Variants in GABRG3 observed in about 807,000 individuals in gnomAD.
GABRG3 encodes gamma-aminobutyric acid type A receptor subunit gamma3, also known as gamma-aminobutyric acid receptor subunit gamma-3.
Under a neutral mutation model 48.8 loss-of-function variants are expected in GABRG3, and 25 were observed. That is an observed-to-expected ratio of 0.51 (90% CI 0.37 to 0.72). The LOEUF (loss-of-function observed/expected upper bound fraction) is 0.72. GABRG3 is among the 30% of genes least tolerant of loss of function. The pLI, the probability that GABRG3 is intolerant of heterozygous loss-of-function variation, is 0.00. For synonymous variants in GABRG3, 227 were observed against 217.6 expected (o/e 1.04, Z -0.38); for missense variants, 394 against 577.9 (o/e 0.68, Z 3.26).
intron 6 of GABRG3, among the ~76,000 whole-genome samples, chr15:27,504,898 A>C (rs1890726871): frequency 6.6e-6 from 1 of 152,224 alleles, no homozygotes. Context: ...TTTGATTTAC[A>C]AGAGAATTTA....
intron 3 of GABRG3, among the ~76,000 whole-genome samples, chr15:27,075,169 A>G (rs1896890752): frequency 6.6e-6 from 1 of 151,852 alleles, no homozygotes; most frequent in South Asian, 2.1e-4. Context: ...CTGACTATTA[A>G]TAATTCTTAA....
intron 2 of GABRG3, among the ~76,000 whole-genome samples, chr15:26,994,601 C>G (rs1015370611): frequency 1.3e-5 from 2 of 151,920 alleles, no homozygotes; most frequent in Non-Finnish European, 2.9e-5. Context: ...TTTATTCTTT[C>G]TATTTAAGAG....
At chr15:27,444,124 A>C (rs1888872172) in intron 5 of GABRG3, among the ~76,000 whole-genome samples, 1 of 152,180 alleles carries the variant, frequency 6.6e-6, no homozygotes. Context: ...TGTTGGAAAC[A>C]GTTGACTTTT....
At chr15:27,398,501 ATAT>A (rs1887382271) in intron 5 of GABRG3, among the ~76,000 whole-genome samples, 1 of 152,170 alleles carries the variant, frequency 6.6e-6, no homozygotes, top group African/African-American at 2.4e-5. Context: ...TTTGAAGAAA[ATAT>A]TAATATATAC....
chr15:27,104,543 T>C (rs1897417843), intron 3 of GABRG3, among the ~76,000 whole-genome samples: 1 of 152,252 alleles, frequency 6.6e-6, no homozygotes, highest in African/African-American at 2.4e-5. Flanking sequence ...ATATATGGTA[T>C]GTCTAGTGAC....
At position 27,532,588 on chromosome 15, in the gene GABRG3, TG is replaced by T. The variant is rs1422627693; in HGVS notation, c.1123-11del. Reference sequence around the variant, plus strand: ...TTTACAATGGTTGTTGTGTCATTTTTGTTGCTTGCAGAACTATTCCCTCCTG... The same window carrying T: ...TTTACAATGGTTGTTGTGTCATTTTTTTGCTTGCAGAACTATTCCCTCCTG... On this transcript the variant is annotated splice_polypyrimidine_tract_variant and intron_variant, in intron 9 of 9. Coordinates refer to ENST00000615808, the MANE Select transcript of GABRG3 (RefSeq NM_033223.5). 1.2e-6 allele frequency: 2 copies of T among 1,611,214 alleles called. No individual in the cohort carries two copies. The highest frequency in any genetic ancestry group is 1.7e-6 in the Non-Finnish European group (2 of 1,178,172).
At chr15:27,005,393 A>G (rs1445267998) in intron 2 of GABRG3, among the ~76,000 whole-genome samples, 2 of 152,114 alleles carry the variant, frequency 1.3e-5, no homozygotes, top group African/African-American at 4.8e-5. Flanking sequence ...TTAATGAAGC[A>G]GTGTGCTTTG....
chr15:27,494,225 TA>T (rs1890426161), intron 6 of GABRG3, among the ~76,000 whole-genome samples: 1 of 151,682 alleles, frequency 6.6e-6, no homozygotes, highest in African/African-American at 2.4e-5. Flanking sequence ...CTTAAAATAT[TA>T]ATATTGTTAA....
chr15:27,040,344 C>T (rs1896254669), intron 3 of GABRG3, among the ~76,000 whole-genome samples: 1 of 152,184 alleles, frequency 6.6e-6, no homozygotes, highest in Non-Finnish European at 1.5e-5. Flanking sequence ...GCAGGCAGCT[C>T]CTGTGCTTCC....
chr15:27,517,728 C>G (rs183002802), intron 6 of GABRG3, among the ~76,000 whole-genome samples: 12 of 152,116 alleles, frequency 7.9e-5, no homozygotes, highest in African/African-American at 2.4e-4. Context: ...CAATTTTATG[C>G]CAAAAATTAA....
At chr15:27,096,826 TTTTC>T (rs985053516) in intron 3 of GABRG3, among the ~76,000 whole-genome samples, 16 of 148,258 alleles carry the variant, frequency 1.1e-4, no homozygotes, top group Admixed American at 2.7e-4. Flanking sequence ...GATTCTTTTC[TTTTC>T]TTTCTATCTT....
At chr15:27,315,446 CAT>C (rs1893180466) in intron 3 of GABRG3, among the ~76,000 whole-genome samples, 1 of 152,182 alleles carries the variant, frequency 6.6e-6, no homozygotes. Flanking sequence ...TATGCTCTTT[CAT>C]GTATATGTAA....
chr15:26,990,597 T>C (rs1895229655), intron 2 of GABRG3, among the ~76,000 whole-genome samples: 1 of 152,166 alleles, frequency 6.6e-6, no homozygotes, highest in African/African-American at 2.4e-5. Flanking sequence ...TGTTCTTTGT[T>C]GATTGTTTGC....
intron 5 of GABRG3, among the ~76,000 whole-genome samples, chr15:27,329,904 G>A (rs1182334810): frequency 1.3e-5 from 2 of 152,204 alleles, no homozygotes; most frequent in Admixed American, 1.3e-4. Context: ...AAGTACTTAT[G>A]TATGACTCAT....
chr15:27,183,350 A>C (rs557817839), intron 3 of GABRG3, among the ~76,000 whole-genome samples: 1 of 152,222 alleles, frequency 6.6e-6, no homozygotes, highest in Non-Finnish European at 1.5e-5. Flanking sequence ...GCTCCTGGCC[A>C]TGAGCTGATG....
rs950265652 is a variant in GABRG3 at position 27,132,477 on chromosome 15, T to G, written c.270+105656T>G. ...AATCTTCCCAGTAGTTACAGTTTTT[T>G]TTTTTTTTTTTTTTTTTTTTTTTGT... On this transcript the variant is annotated intron_variant, in intron 3 of 9. Coordinates refer to ENST00000615808, the MANE Select transcript of GABRG3 (RefSeq NM_033223.5). Among the ~76,000 whole-genome samples the G allele has an allele frequency of 4.3e-4, 63 of 144,998 alleles. 1 individual carries two copies. The highest frequency in any genetic ancestry group is 7.0e-3 in the Middle Eastern group (2 of 284).
chr15:27,246,587 A>AT (rs1007992673), intron 3 of GABRG3, among the ~76,000 whole-genome samples: 26 of 151,946 alleles, frequency 1.7e-4, no homozygotes, highest in Non-Finnish European at 3.2e-4. Flanking sequence ...CTTAGCTTAA[A>AT]TTTTTTTTTA....
chr15:27,476,729 G>GGAGAA (rs999975202), intron 5 of GABRG3, among the ~76,000 whole-genome samples: 5 of 152,136 alleles, frequency 3.3e-5, no homozygotes, highest in Admixed American at 1.3e-4. Context: ...GAATCTCAGA[G>GGAGAA]GAGAAGAGAA....
chr15:27,399,100 A>T (rs1266035302), intron 5 of GABRG3, among the ~76,000 whole-genome samples: 1 of 152,220 alleles, frequency 6.6e-6, no homozygotes, highest in African/African-American at 2.4e-5. Context: ...AAAAGAGAAC[A>T]ATGGGTTCAA....
Sources: gnomAD v4.1 joint callset for allele counts (sites outside exome capture counted in the v4.1 genomes callset) on GRCh38, gnomAD v4.1.1 for gene constraint, MANE v1.5 for transcripts, NCBI Gene and HGNC (gene_info 2026-07-23, HGNC 2026-07-21) for gene names.